MASP1: variants seen among roughly 807,000 people sequenced by gnomAD.
The protein encoded by MASP1 is mannan-binding lectin serine protease 1.
In MASP1, 59 loss-of-function variants were observed where a neutral mutation model predicts 77.1. The ratio of observed to expected loss-of-function variants is 0.77; its 90% confidence interval spans 0.62 to 0.95. MASP1 has a LOEUF of 0.95. Among genes scored for constraint, MASP1 ranks in the 40% least tolerant of loss-of-function variants. The pLI is 0.00. For synonymous variants in MASP1, 362 were observed against 354.5 expected (o/e 1.02, Z -0.24); for missense variants, 885 against 912.9 (o/e 0.97, Z 0.39).
At chr3:187,266,859 A>G (rs1408777745) in intron 2 of MASP1, among the ~76,000 whole-genome samples, 2 of 152,170 alleles carry the variant, frequency 1.3e-5, no homozygotes, top group Non-Finnish European at 2.9e-5. Flanking sequence ...TACTCTATGG[A>G]AGAACAGCTA....
At chr3:187,280,930 G>A (rs910771756) in intron 2 of MASP1, among the ~76,000 whole-genome samples, 3 of 152,224 alleles carry the variant, frequency 2.0e-5, no homozygotes, top group Non-Finnish European at 4.4e-5. Flanking sequence ...GTAGACCTTA[G>A]AGACCATCTG....
In MASP1 at chr3:187,225,456, G is replaced by T. The variant is rs140992359; in HGVS notation, c.1609C>A (p.His537Asn). 3 of 1,614,180 alleles carry T rather than the reference G, an allele frequency of 1.9e-6. No homozygotes were observed. In the Admixed American group the frequency reaches 5.0e-5, roughly 27 times the overall value. Residue 537 changes from histidine to asparagine, a missense_variant, in exon 13 of 16, where the codon CAC becomes AAC. By Grantham distance (68) the His-to-Asn change is moderately conservative (BLOSUM62 1). Coordinates refer to the MASP1 transcript ENST00000337774. Reference sequence around the variant, plus strand: ...TCATACTGGGGGTGGAGAGTGGTGTGTTTGACGCCGAGATGCTGTTCATTT... The same window carrying T: ...TCATACTGGGGGTGGAGAGTGGTGTTTTTGACGCCGAGATGCTGTTCATTT...
chr3:187,220,001 C>T, exon 16 of MASP1: 1 of 1,540,222 alleles, frequency 6.5e-7, no homozygotes, highest in South Asian at 1.1e-5. Flanking sequence ...GAAATGGCTG[C>T]TTTCATCGGA....
chr3:187,258,024 A>G (rs1715243120), intron 4 of MASP1, among the ~76,000 whole-genome samples: 1 of 152,204 alleles, frequency 6.6e-6, no homozygotes, highest in African/African-American at 2.4e-5. Flanking sequence ...ATTATAAATG[A>G]TGAAGGAACT....
At chr3:187,268,547 AAT>A (rs1365449842) in intron 2 of MASP1, among the ~76,000 whole-genome samples, 66 of 119,460 alleles carry the variant, frequency 5.5e-4, no homozygotes, top group African/African-American at 2.0e-3. Context: ...AAGAAAAGAA[AAT>A]AGAAAAGAAA....
At chr3:187,251,516 T>G in intron 7 of MASP1, 118 bp downstream of exon 7, 1 of 833,926 alleles carries the variant, frequency 1.2e-6, no homozygotes. Context: ...GATGGGCAGC[T>G]AGGAAATTCT....
In MASP1 at chr3:187,234,803, C is replaced by G; in HGVS notation, c.*881G>C. ...AATCGACTAAGTCCCCATATTCGGGCCTGGGCTTCAGGTAGCCTTTCAGAT... is the reference window on the plus strand; with the variant it reads ...AATCGACTAAGTCCCCATATTCGGGGCTGGGCTTCAGGTAGCCTTTCAGAT... On this transcript the variant is annotated 3_prime_UTR_variant, in exon 11 of 11. Coordinates refer to ENST00000296280, the MANE Select transcript of MASP1 (RefSeq NM_139125.4). 7.8e-7 allele frequency: 1 copy of G among 1,287,250 alleles called. No individual in the cohort carries two copies. The allele number at this position is 1,287,250 out of a possible 1,614,324, so 79.7% of individuals were successfully genotyped here. A position where few individuals can be genotyped will look rare whatever the true frequency, so the allele number is the denominator to read the frequency against.
rs918377828 is a variant in MASP1 at position 187,235,248 on chromosome 3, C to T, written c.*436G>A. ...GGCAGAGCAGGAAAATATACAGATG[C>T]GGCATTCAGTTCAATGTTAGAAACC... On this transcript the variant is annotated 3_prime_UTR_variant, in exon 11 of 11. Transcript: ENST00000296280. The T allele has an allele frequency of 3.1e-6, 4 of 1,293,146 alleles. No homozygotes were observed. The highest frequency in any genetic ancestry group is 4.0e-6 in the Non-Finnish European group (4 of 992,996). 80.1% of individuals were successfully genotyped at this position (1,293,146 alleles called of 1,614,324 possible). A position where few individuals can be genotyped will look rare whatever the true frequency, so the allele number is the denominator to read the frequency against.
At chr3:187,241,387 C>T in intron 10 of MASP1, 94 bp downstream of exon 10, 1 of 964,526 alleles carries the variant, frequency 1.0e-6, no homozygotes, top group Non-Finnish European at 1.7e-6. Context: ...ATCACCTCCC[C>T]TGTCCCCCAT....
At chr3:187,221,409 A>G (rs976562784) in intron 14 of MASP1, among the ~76,000 whole-genome samples, 1 of 152,214 alleles carries the variant, frequency 6.6e-6, no homozygotes, top group Non-Finnish European at 1.5e-5. Flanking sequence ...TCTCTTCAGT[A>G]AGATAGAGGT....
At chr3:187,257,692 A>C (rs1171473413) in intron 4 of MASP1, among the ~76,000 whole-genome samples, 1 of 152,278 alleles carries the variant, frequency 6.6e-6, no homozygotes, top group Admixed American at 6.5e-5. Context: ...GCCTCCTTAC[A>C]TATTTTAAAT....
chr3:187,241,360 T>C, intron 10 of MASP1, 121 bp downstream of exon 10: 7 of 819,460 alleles, frequency 8.5e-6, no homozygotes, highest in Non-Finnish European at 1.5e-5. Flanking sequence ...AGACATCTCT[T>C]AAAAAGCAAC....
intron 15 of MASP1, chr3:187,220,268 G>C: frequency 3.1e-6 from 5 of 1,613,432 alleles, no homozygotes; most frequent in Non-Finnish European, 4.2e-6. Context: ...CCCCCTAGGT[G>C]AAAAAGAGAC....
chr3:187,247,711 G>A (rs1332678853), intron 8 of MASP1, among the ~76,000 whole-genome samples: 1 of 152,176 alleles, frequency 6.6e-6, no homozygotes, highest in Non-Finnish European at 1.5e-5. Context: ...GAGTAGAACA[G>A]GGCTTGTCCC....
chr3:187,264,674 T>C (rs1715871904), intron 2 of MASP1, among the ~76,000 whole-genome samples: 1 of 152,250 alleles, frequency 6.6e-6, no homozygotes, highest in South Asian at 2.1e-4. Flanking sequence ...CTTGAACTTC[T>C]GAAGTCTTCT....
rs758931249 is a variant in MASP1 at position 187,235,629 on chromosome 3, G to T, written c.*55C>A. Reference sequence around the variant, plus strand: ...GATAAGTAATGTGGAGTGTGCTGTCGGAAGTGCGGTGTAGCTTCGCTCAGG... The same window carrying T: ...GATAAGTAATGTGGAGTGTGCTGTCTGAAGTGCGGTGTAGCTTCGCTCAGG... On this transcript the variant is annotated 3_prime_UTR_variant, in exon 11 of 11. Transcript: ENST00000296280. 7 of 1,609,250 alleles carry T rather than the reference G, an allele frequency of 4.3e-6. No individual in the cohort carries two copies. The South Asian group carries it at 7.7e-5, about 18-fold the overall frequency.
In MASP1 at chr3:187,262,719, A is replaced by G. The variant is rs1009201562; in HGVS notation, c.239T>C (p.Val80Ala). ...TGCCAGCACCTGGTCCTCAGTTTCT[A>G]CCTTTGAGGTCAAAGAGAAAGGGAA... ...SYLCEYDYVK[V>A]ETEDQVLATF... Residue 80 changes from valine to alanine, a missense_variant and splice_region_variant, in exon 3 of 11, where the codon GTA becomes GCA. Val to Ala is a moderately conservative substitution (Grantham distance 64). Coordinates refer to ENST00000296280, the MANE Select transcript of MASP1 (RefSeq NM_139125.4). 1 of 1,613,932 alleles carries G rather than the reference A, an allele frequency of 6.2e-7. No individual in the cohort carries two copies. The highest frequency in any genetic ancestry group is 8.5e-7 in the Non-Finnish European group (1 of 1,179,894).
chr3:187,225,492 G>C (rs28945073), exon 13 of MASP1: 4 of 1,613,962 alleles, frequency 2.5e-6, no homozygotes, highest in Non-Finnish European at 3.4e-6. Flanking sequence ...TCATCTGACC[G>C]GAGCCTCCAA....
chr3:187,257,714 G>A (rs1002594750), intron 4 of MASP1, among the ~76,000 whole-genome samples: 3 of 152,006 alleles, frequency 2.0e-5, no homozygotes, highest in Non-Finnish European at 2.9e-5. Context: ...CAGCCTGAAG[G>A]GTTCTGCGTA....
Sources: allele counts gnomAD v4.1 joint callset (sites outside exome capture counted in the v4.1 genomes callset), GRCh38; gene constraint gnomAD v4.1.1; transcripts MANE v1.5; gene names NCBI Gene and HGNC (gene_info 2026-07-23, HGNC 2026-07-21).